The following RIT2 variants were observed in gnomAD, a reference collection of about 807,000 sequenced individuals.
RIT2 encodes Ras like without CAAX 2, also known as GTP-binding protein Rit2.
In RIT2, 24 loss-of-function variants were observed where a neutral mutation model predicts 23.7. The observed-to-expected ratio is 1.01, with a 90% CI of 0.73 to 1.43. The LOEUF (loss-of-function observed/expected upper bound fraction) is 1.43, where lower values mean the gene tolerates loss of function less well. Ranked by LOEUF, RIT2 falls within the 40% of genes most tolerant of loss-of-function variation. The pLI is 0.00. For missense variants in RIT2, 236 were observed against 266.9 expected (o/e 0.88, Z 0.81); for synonymous variants, 107 against 91.1 (o/e 1.17, Z -0.99).
intron 1 of RIT2, among the ~76,000 whole-genome samples, chr18:43,093,324 A>G (rs766631088): frequency 5.3e-5 from 8 of 152,058 alleles, no homozygotes; most frequent in Non-Finnish European, 1.0e-4. Flanking sequence ...CTCCCTCCCT[A>G]CTATCAATGG....
chr18:42,925,718 G>T (rs1317964740), intron 3 of RIT2, among the ~76,000 whole-genome samples: 1 of 151,502 alleles, frequency 6.6e-6, no homozygotes, highest in African/African-American at 2.4e-5. Flanking sequence ...CTTTTCAAAT[G>T]CATCAGTTAA....
chr18:42,840,217 T>C (rs1906726539), intron 4 of RIT2, among the ~76,000 whole-genome samples: 1 of 152,232 alleles, frequency 6.6e-6, no homozygotes, highest in Non-Finnish European at 1.5e-5. Flanking sequence ...TGATGGTAGC[T>C]GACTCTCTTG....
At chr18:42,961,369 C>T (rs901538721) in intron 3 of RIT2, among the ~76,000 whole-genome samples, 2 of 152,172 alleles carry the variant, frequency 1.3e-5, no homozygotes, top group African/African-American at 4.8e-5. Flanking sequence ...AGCTGGACAA[C>T]TTATTGCAGG....
chr18:43,094,859 C>T (rs1369509814), intron 1 of RIT2, among the ~76,000 whole-genome samples: 3 of 151,698 alleles, frequency 2.0e-5, no homozygotes, highest in East Asian at 1.9e-4. Flanking sequence ...TGGTTTCCAG[C>T]TTCATCCATG....
chr18:42,820,378 A>T (rs1906113915), intron 4 of RIT2, among the ~76,000 whole-genome samples: 2 of 152,284 alleles, frequency 1.3e-5, no homozygotes, highest in South Asian at 4.1e-4. Flanking sequence ...TTAAAAAAAA[A>T]AAGTGAACTG....
At chr18:42,774,297 C>T (rs905933146) in intron 4 of RIT2, among the ~76,000 whole-genome samples, 12 of 152,040 alleles carry the variant, frequency 7.9e-5, no homozygotes, top group Non-Finnish European at 1.5e-5. Context: ...ACTCTCCTCC[C>T]AACTTCATAG....
chr18:42,875,593 T>C (rs1907725522), intron 4 of RIT2, among the ~76,000 whole-genome samples: 1 of 152,054 alleles, frequency 6.6e-6, no homozygotes, highest in African/African-American at 2.4e-5. Flanking sequence ...TTCATGTAGC[T>C]GAACTATTGT....
chr18:42,775,590 G>A (rs1017992365), intron 4 of RIT2, among the ~76,000 whole-genome samples: 3 of 151,944 alleles, frequency 2.0e-5, no homozygotes, highest in Admixed American at 6.6e-5. Flanking sequence ...CCAGCTACTC[G>A]GGAGGCTGAG....
intron 4 of RIT2, among the ~76,000 whole-genome samples, chr18:42,866,591 A>G (rs1377875915): frequency 6.6e-6 from 1 of 151,826 alleles, no homozygotes; most frequent in Non-Finnish European, 1.5e-5. Flanking sequence ...ACTGGTCTTC[A>G]GCGTCATTAA....
chr18:42,941,377 T>G (rs138733860), intron 3 of RIT2, among the ~76,000 whole-genome samples: 292 of 152,146 alleles, frequency 1.9e-3, no homozygotes, highest in Middle Eastern at 0.01. Context: ...ATGCATAATT[T>G]TACTTATTTT....
intron 4 of RIT2, 140 bp downstream of exon 4, chr18:42,923,432 A>G: frequency 1.3e-6 from 1 of 757,878 alleles, no homozygotes; most frequent in Admixed American, 2.3e-5. Context: ...TTACCATGGG[A>G]CCACCATGAC....
chr18:42,855,146 G>T (rs571043263), intron 4 of RIT2, among the ~76,000 whole-genome samples: 2 of 152,264 alleles, frequency 1.3e-5, no homozygotes, highest in Admixed American at 1.3e-4. Context: ...ATTTTGCACA[G>T]CTAAGACATA....
intron 4 of RIT2, among the ~76,000 whole-genome samples, chr18:42,877,266 A>G (rs1907767377): frequency 6.6e-6 from 1 of 151,776 alleles, no homozygotes; most frequent in South Asian, 2.1e-4. Context: ...GTTTTGATTA[A>G]TGTTTTATTC....
At chr18:43,038,023 T>C (rs780143111) in intron 1 of RIT2, among the ~76,000 whole-genome samples, 3 of 151,690 alleles carry the variant, frequency 2.0e-5, no homozygotes, top group Non-Finnish European at 4.4e-5. Context: ...GCTAACATGG[T>C]GAAACCCCAT....
chr18:42,872,533 G>C (rs549760033), intron 4 of RIT2, among the ~76,000 whole-genome samples: 1 of 152,118 alleles, frequency 6.6e-6, no homozygotes, highest in Non-Finnish European at 1.5e-5. Flanking sequence ...AACCTTCTCT[G>C]TTCACAGCAA....
intron 3 of RIT2, among the ~76,000 whole-genome samples, chr18:42,931,382 T>A (rs1909320690): frequency 6.6e-6 from 1 of 152,126 alleles, no homozygotes; most frequent in Non-Finnish European, 1.5e-5. Flanking sequence ...AACTTTTAGA[T>A]AAGCCTATAT....
intron 4 of RIT2, among the ~76,000 whole-genome samples, chr18:42,744,267 CT>C (rs1351952107): frequency 3.4e-4 from 52 of 152,314 alleles, no homozygotes; most frequent in African/African-American, 1.2e-3. Flanking sequence ...CACACAAAGC[CT>C]GTTTGGTGGT....
At position 43,099,167 on chromosome 18, in the gene RIT2, G is replaced by T. The variant is rs558423574; in HGVS notation, c.103+16250C>A. Reference sequence around the variant, plus strand: ...ATTTCCTTATCATTTGTCTCTCTTTGCCTTTCTGAAGGTGTGGGCTCAGGC... The same window carrying T: ...ATTTCCTTATCATTTGTCTCTCTTTTCCTTTCTGAAGGTGTGGGCTCAGGC... On this transcript the variant is annotated intron_variant, in intron 1 of 4. Coordinates refer to ENST00000326695, the MANE Select transcript of RIT2 (RefSeq NM_002930.4). Among the ~76,000 whole-genome samples the T allele has an allele frequency of 4.6e-5, 7 of 152,098 alleles. No homozygotes were observed. The East Asian group carries it at 1.4e-3, about 29-fold the overall frequency.
At chr18:42,847,960 G>A (rs968558782) in intron 4 of RIT2, among the ~76,000 whole-genome samples, 2 of 150,514 alleles carry the variant, frequency 1.3e-5, no homozygotes, top group Non-Finnish European at 2.9e-5. Flanking sequence ...AATTTAGTAA[G>A]TATTATGATA....
Sources: gnomAD v4.1 joint callset for allele counts (sites outside exome capture counted in the v4.1 genomes callset) on GRCh38, gnomAD v4.1.1 for gene constraint, MANE v1.5 for transcripts, NCBI Gene and HGNC (gene_info 2026-07-23, HGNC 2026-07-21) for gene names.